Variants in STX7 observed in about 807,000 individuals in gnomAD.
STX7 encodes the protein syntaxin 7.
A neutral mutation model predicts 39.6 loss-of-function variants in STX7; 34 were observed. The observed-to-expected ratio is 0.86, with a 90% confidence interval of 0.65 to 1.14. STX7 has a LOEUF of 1.14. Ranked by LOEUF, STX7 falls within the 50% of genes most tolerant of loss-of-function variation. The pLI, the probability that STX7 is intolerant of heterozygous loss-of-function variation, is 0.00. For synonymous variants in STX7, 119 were observed against 99.1 expected, an observed-to-expected ratio of 1.20 and a Z score of -1.19; for missense variants, 284 against 310.4, an observed-to-expected ratio of 0.92 and a Z score of 0.64.
intron 9 of STX7, 81 bp from the exon 10 acceptor site, chr6:132,460,931 T>C (rs376622649): frequency 4.8e-6 from 6 of 1,242,156 alleles, no homozygotes; most frequent in East Asian, 2.4e-5. Context: ...CTAAAAATAA[T>C]TTGGTTCATT....
chr6:132,475,783 A>ACTTTGTTCTCCAG, intron 2 of STX7, 121 bp from the exon 3 acceptor site: 1 of 526,664 alleles, frequency 1.9e-6, no homozygotes, highest in Non-Finnish European at 3.2e-6. Flanking sequence ...AAAGATGAAA[A>ACTTTGTTCTCCAG]TAGAAAATAT....
chr6:132,486,991 T>A (rs35338221), intron 2 of STX7, among the ~76,000 whole-genome samples: 1 of 152,162 alleles, frequency 6.6e-6, no homozygotes. Context: ...TCTTTTACTG[T>A]CTTTATCTGG....
chr6:132,460,903 G>A, intron 9 of STX7, 53 bp from the exon 10 acceptor site: 1 of 1,470,592 alleles, frequency 6.8e-7, no homozygotes. Context: ...CAGATTTAGT[G>A]GAGTACCTCT....
intron 7 of STX7, among the ~76,000 whole-genome samples, chr6:132,469,327 A>G (rs1310037770): frequency 6.6e-6 from 1 of 152,160 alleles, no homozygotes; most frequent in Non-Finnish European, 1.5e-5. Context: ...GAAGACATCC[A>G]GACTCTTGGA....
At chr6:132,482,045 C>A (rs1775026526) in intron 2 of STX7, among the ~76,000 whole-genome samples, 1 of 152,050 alleles carries the variant, frequency 6.6e-6, no homozygotes, top group Admixed American at 6.6e-5. Context: ...TTGGTTTTTC[C>A]AGAATTTATC....
Position 132,464,072 on chromosome 6 carries a change from C to T in STX7, c.614G>A (p.Ser205Asn). The change falls in exon 9 of 10, where the codon AGC becomes AAC. Residue 205 changes from serine to asparagine, a missense_variant. Physicochemically the swap from Ser to Asn is conservative, Grantham distance 46. Transcript: ENST00000367941. ...MIHEQGDVID[S>N]IEANVENAEV... is the part of the protein sequence containing the mutation. Reference sequence around the variant, plus strand: ...TGCATTTTCCACATTGGCTTCTATGCTATCTGTAAAATAAAACACACACAC... The same window carrying T: ...TGCATTTTCCACATTGGCTTCTATGTTATCTGTAAAATAAAACACACACAC... 6.2e-7 allele frequency: 1 copy of T among 1,613,768 alleles called. No individual in the cohort carries two copies. The highest frequency in any genetic ancestry group is 8.5e-7 in the Non-Finnish European group (1 of 1,179,882).
intron 8 of STX7, among the ~76,000 whole-genome samples, chr6:132,465,527 G>A (rs1468989413): frequency 6.6e-6 from 1 of 152,100 alleles, no homozygotes; most frequent in Non-Finnish European, 1.5e-5. Context: ...GCTGATTATG[G>A]ATGTAAAAAG....
chr6:132,507,985 G>A (rs1312072767), intron 1 of STX7, among the ~76,000 whole-genome samples: 4 of 152,130 alleles, frequency 2.6e-5, no homozygotes, highest in African/African-American at 9.7e-5. Flanking sequence ...TTGCCTGTGC[G>A]GCACACCATG....
intron 6 of STX7, 54 bp downstream of exon 6, chr6:132,470,520 G>T: frequency 1.5e-6 from 2 of 1,338,092 alleles, no homozygotes; most frequent in Non-Finnish European, 2.1e-6. Flanking sequence ...GGACCTTAAT[G>T]TATAAACTTT....
chr6:132,497,908 T>C (rs573404699), intron 2 of STX7, among the ~76,000 whole-genome samples: 4 of 152,326 alleles, frequency 2.6e-5, no homozygotes, highest in African/African-American at 9.6e-5. Context: ...AAACTAAATC[T>C]AAGCCTTTCT....
At chr6:132,508,506 T>C (rs912769464) in intron 1 of STX7, among the ~76,000 whole-genome samples, 15 of 152,302 alleles carry the variant, frequency 9.8e-5, no homozygotes, top group Admixed American at 3.9e-4. Context: ...GAGTTTTGTT[T>C]TACTTTTTCT....
At chr6:132,513,276 A>T (rs1408085893), upstream of STX7, 1 of 152,286 alleles carries the variant, frequency 6.6e-6, no homozygotes, top group Non-Finnish European at 1.5e-5. Context: ...AGCCTGACGT[A>T]GAGATGGTGA....
intron 1 of STX7, among the ~76,000 whole-genome samples, chr6:132,508,376 A>C (rs1775759516): frequency 6.6e-6 from 1 of 152,220 alleles, no homozygotes; most frequent in Admixed American, 6.5e-5. Context: ...TCACAAACAC[A>C]ATCAATTTTC....
At chr6:132,465,034 A>G (rs1025144040) in intron 8 of STX7, among the ~76,000 whole-genome samples, 6 of 152,048 alleles carry the variant, frequency 3.9e-5, no homozygotes, top group Non-Finnish European at 8.8e-5. Flanking sequence ...TTTTCTTCTC[A>G]TTCCTTGAAT....
intron 2 of STX7, among the ~76,000 whole-genome samples, chr6:132,488,956 C>G (rs998189314): frequency 6.6e-6 from 1 of 152,088 alleles, no homozygotes; most frequent in Non-Finnish European, 1.5e-5. Context: ...AATCCCAGCA[C>G]TTTGGGAGGC....
intron 9 of STX7, chr6:132,461,735 C>A: frequency 1.6e-6 from 2 of 1,222,484 alleles, no homozygotes; most frequent in Non-Finnish European, 1.1e-6. Context: ...ACAGAGCAAA[C>A]AAAATCATAA....
chr6:132,495,466 G>C (rs1775400195), intron 2 of STX7, among the ~76,000 whole-genome samples: 1 of 152,080 alleles, frequency 6.6e-6, no homozygotes, highest in Non-Finnish European at 1.5e-5. Context: ...CATTTTAGGA[G>C]GAGGGAAGCA....
At chr6:132,487,613 TG>T (rs201640699) in intron 2 of STX7, among the ~76,000 whole-genome samples, 3,542 of 152,286 alleles carry the variant, frequency 0.023, 122 homozygotes, top group African/African-American at 0.08. Context: ...CTGCACGTTC[TG>T]CACATGTATC....
intron 3 of STX7, among the ~76,000 whole-genome samples, chr6:132,472,742 G>A (rs1774763041): frequency 1.3e-5 from 2 of 152,160 alleles, no homozygotes; most frequent in African/African-American, 4.8e-5. Context: ...ACACCTGGAA[G>A]GTCAGGTAAG....
Sources: gnomAD v4.1 joint callset for allele counts (sites outside exome capture counted in the v4.1 genomes callset) on GRCh38, gnomAD v4.1.1 for gene constraint, MANE v1.5 for transcripts, NCBI Gene and HGNC (gene_info 2026-07-23, HGNC 2026-07-21) for gene names.